GNG2: variants seen among roughly 807,000 people sequenced by gnomAD.
GNG2 encodes the protein guanine nucleotide-binding protein G(I)/G(S)/G(O) subunit gamma-2.
A neutral mutation model predicts 5.5 loss-of-function variants in GNG2; 5 were observed. The ratio of observed to expected loss-of-function variants is 0.91; its 90% CI spans 0.48 to 1.92. The LOEUF is 1.92. GNG2 is among the 30% of genes most tolerant of loss of function. The pLI is 0.01. For synonymous variants in GNG2, 28 were observed against 32.0 expected (o/e 0.88, Z 0.42); for missense variants, 55 against 88.4 (o/e 0.62, Z 1.52).
At position 51,968,796 on chromosome 14, in the gene GNG2, CTT is replaced by C. The variant is rs1363632433; in HGVS notation, c.*2111_*2112del. On this transcript the variant is annotated 3_prime_UTR_variant, in exon 4 of 4. Transcript: ENST00000556766. ...AACACGGATGAATGAATAAAACACT[CTT>C]TGGTGGTGACTGAGGCATCATTAGA... The C allele has an allele frequency of 3.9e-5, 6 of 152,312 alleles. No individual in the cohort carries two copies. In the East Asian group the frequency reaches 1.2e-3, roughly 29 times the overall value. The allele number at this position is 152,312 out of a possible 1,614,324, so 9.4% of individuals were successfully genotyped here. A position where few individuals can be genotyped will look rare whatever the true frequency, so the allele number is the denominator to read the frequency against.
At chr14:51,911,925 T>C (rs759228899) in intron 2 of GNG2, among the ~76,000 whole-genome samples, 5 of 147,954 alleles carry the variant, frequency 3.4e-5, no homozygotes, top group Non-Finnish European at 7.4e-5. Flanking sequence ...AAGGGCTTTA[T>C]ATAAAGTAAT....
chr14:51,864,722 T>G (rs1199983680), intron 1 of GNG2, among the ~76,000 whole-genome samples: 1 of 152,092 alleles, frequency 6.6e-6, no homozygotes, highest in Non-Finnish European at 1.5e-5. Flanking sequence ...GCTTTTCTGG[T>G]CCCCTCATTA....
intron 2 of GNG2, chr14:51,914,107 C>T (rs1886459283): frequency 3.1e-6 from 2 of 640,094 alleles, no homozygotes; most frequent in Admixed American, 2.4e-5. Context: ...TCTACTTTTG[C>T]AGAAGATATT....
At chr14:51,874,257 C>T (rs1485214643) in intron 1 of GNG2, among the ~76,000 whole-genome samples, 5 of 152,004 alleles carry the variant, frequency 3.3e-5, no homozygotes, top group South Asian at 4.2e-4. Flanking sequence ...AACCCCTTCT[C>T]TACTAAAAAT....
intron 2 of GNG2, among the ~76,000 whole-genome samples, chr14:51,845,179 A>G (rs561213283): frequency 5.9e-5 from 9 of 152,362 alleles, no homozygotes; most frequent in African/African-American, 2.2e-4. Flanking sequence ...TATGGGCCAA[A>G]TCACTTTTTA....
At chr14:51,935,020 T>C (rs1402180488) in intron 2 of GNG2, among the ~76,000 whole-genome samples, 1 of 126,400 alleles carries the variant, frequency 7.9e-6, no homozygotes. Context: ...CAGCCCAGTT[T>C]CTTTCTTTTT....
At chr14:51,937,462 G>A (rs746172756) in intron 2 of GNG2, among the ~76,000 whole-genome samples, 12 of 152,104 alleles carry the variant, frequency 7.9e-5, no homozygotes, top group Non-Finnish European at 1.3e-4. Context: ...ACACAAAAAT[G>A]TAAGCACTCC....
intron 2 of GNG2, among the ~76,000 whole-genome samples, chr14:51,895,277 C>T (rs1399484556): frequency 6.6e-6 from 1 of 151,956 alleles, no homozygotes; most frequent in Non-Finnish European, 1.5e-5. Flanking sequence ...TAATGCCAGG[C>T]CAAAATGATC....
intron 3 of GNG2, among the ~76,000 whole-genome samples, chr14:51,959,416 TAG>T (rs1889460102): frequency 6.6e-6 from 1 of 152,166 alleles, no homozygotes; most frequent in African/African-American, 2.4e-5. Flanking sequence ...TCCAAAAACT[TAG>T]AGTTATCCTT....
chr14:51,898,654 G>A (rs1885356875), intron 2 of GNG2, among the ~76,000 whole-genome samples: 1 of 152,184 alleles, frequency 6.6e-6, no homozygotes, highest in South Asian at 2.1e-4. Context: ...GGTACAATGT[G>A]CACTGAACGC....
chr14:51,966,505 C>G, intron 3 of GNG2, 54 bp from the exon 4 acceptor site: 3 of 1,547,108 alleles, frequency 1.9e-6, no homozygotes, highest in Non-Finnish European at 2.7e-6. Flanking sequence ...AAGCCTTGGG[C>G]CTTGACTGAC....
upstream of GNG2, among the ~76,000 whole-genome samples, chr14:51,859,791 G>A (rs1594844274): frequency 6.6e-6 from 1 of 152,268 alleles, no homozygotes; most frequent in Non-Finnish European, 1.5e-5. Context: ...GGATCATGAG[G>A]GTCCTTCAGC....
At chr14:51,920,794 C>A (rs2140224684) in intron 2 of GNG2, among the ~76,000 whole-genome samples, 1 of 152,304 alleles carries the variant, frequency 6.6e-6, no homozygotes, top group South Asian at 2.1e-4. Context: ...AGATGTTGAT[C>A]TTTCTCAACC....
At chr14:51,862,290 T>C (rs746387035) in intron 1 of GNG2, among the ~76,000 whole-genome samples, 6 of 152,218 alleles carry the variant, frequency 3.9e-5, no homozygotes, top group Non-Finnish European at 7.3e-5. Flanking sequence ...ATTGAAACCA[T>C]GGAACTCCTT....
rs767964563 is a variant in GNG2, at chr14:51,966,534, T to G, written c.88-25T>G. 4 of 1,609,874 alleles carry G rather than the reference T, an allele frequency of 2.5e-6. No individual in the cohort carries two copies. In the African/African-American group the frequency reaches 4.0e-5, roughly 16 times the overall value. Reference sequence around the variant, plus strand: ...GACTGACTGTACCAGACTCCAGTGTTGGTTGTTTTTGTCTCCCTTTCCAGG... The same window carrying G: ...GACTGACTGTACCAGACTCCAGTGTGGGTTGTTTTTGTCTCCCTTTCCAGG... On this transcript the variant is annotated intron_variant, in intron 3 of 3. Coordinates refer to ENST00000556766, the MANE Select transcript of GNG2 (RefSeq NM_053064.5).
intron 2 of GNG2, among the ~76,000 whole-genome samples, chr14:51,908,313 A>G (rs1484168192): frequency 6.6e-6 from 1 of 152,186 alleles, no homozygotes; most frequent in African/African-American, 2.4e-5. Context: ...ATTTTAGAAG[A>G]ACCATATCAT....
chr14:51,826,404 C>T (rs539866003), intron 1 of GNG2, among the ~76,000 whole-genome samples: 5 of 152,202 alleles, frequency 3.3e-5, no homozygotes, highest in East Asian at 3.9e-4. Context: ...TATTTAAAGT[C>T]GTTGGAGGAT....
At chr14:51,854,335 A>G (rs567868952) in intron 2 of GNG2, among the ~76,000 whole-genome samples, 52 of 152,218 alleles carry the variant, frequency 3.4e-4, no homozygotes, top group African/African-American at 1.2e-3. Context: ...TGGTGGAGGA[A>G]GGGTTTGGAA....
rs61013183 is a variant in GNG2 at position 51,966,231 on chromosome 14, A to AAAAAAAAAAAAG, written c.88-322_88-321insAAAAAGAAAAAA. On this transcript the variant is annotated intron_variant, in intron 3 of 3. Transcript: ENST00000556766. The stretch of plus-strand genomic sequence containing the variant: ...TCTCAAAAAAAAAAAAAAAAAAAAA[A>AAAAAAAAAAAAG]AAAAAACAAATGAAGGAGACAGCCA... Among the ~76,000 whole-genome samples, 9 of 108,576 alleles carry AAAAAAAAAAAAG rather than the reference A, an allele frequency of 8.3e-5. 1 individual carries two copies. The highest frequency in any genetic ancestry group is 3.0e-4 in the South Asian group (1 of 3,342). 71.2% of individuals were successfully genotyped at this position (108,576 alleles called of 152,430 possible). A position where few individuals can be genotyped will look rare whatever the true frequency, so the allele number is the denominator to read the frequency against.
Sources: gnomAD v4.1 joint callset for allele counts (sites outside exome capture counted in the v4.1 genomes callset) on GRCh38, gnomAD v4.1.1 for gene constraint, MANE v1.5 for transcripts, NCBI Gene and HGNC (gene_info 2026-07-23, HGNC 2026-07-21) for gene names.